Variants in PTPRD observed in about 807,000 individuals in gnomAD.
PTPRD encodes the protein protein tyrosine phosphatase receptor type D, also known as receptor-type tyrosine-protein phosphatase delta.
Under a neutral mutation model 214.5 loss-of-function variants are expected in PTPRD, and 34 were observed. The observed-to-expected ratio is 0.16, with a 90% CI of 0.12 to 0.21. PTPRD has a LOEUF of 0.21. Ranked by LOEUF, PTPRD falls within the 10% of genes least tolerant of loss-of-function variation. The pLI is 1.00. For missense variants in PTPRD, 2,545 were observed against 2,398.7 expected (o/e 1.06, Z -1.27); for synonymous variants, 1,128 against 845.7 (o/e 1.33, Z -5.79).
At chr9:8,524,750 G>A in intron 18 of PTPRD, 175 bp downstream of exon 18, 1 of 747,294 alleles carries the variant, frequency 1.3e-6, no homozygotes, top group Non-Finnish European at 2.4e-6. Context: ...TTGTCTTTTG[G>A]AGTTAAACAA....
intron 37 of PTPRD, among the ~76,000 whole-genome samples, chr9:8,380,855 A>C (rs960254100): frequency 2.0e-5 from 3 of 152,056 alleles, no homozygotes; most frequent in African/African-American, 7.2e-5. Context: ...CAACTTTATA[A>C]TCAATTAACT....
At chr9:10,464,618 A>G (rs1261330713) in intron 2 of PTPRD, among the ~76,000 whole-genome samples, 3 of 152,172 alleles carry the variant, frequency 2.0e-5, no homozygotes, top group Non-Finnish European at 4.4e-5. Flanking sequence ...AGGGAAGGAA[A>G]TAAAAATTAT....
intron 7 of PTPRD, among the ~76,000 whole-genome samples, chr9:9,608,295 A>G (rs987956289): frequency 8.5e-5 from 13 of 152,176 alleles, no homozygotes; most frequent in Non-Finnish European, 1.8e-4. Context: ...TTGATGTACT[A>G]AAGTAATATA....
At chr9:9,321,853 T>C (rs527954755) in intron 9 of PTPRD, among the ~76,000 whole-genome samples, 1 of 152,314 alleles carries the variant, frequency 6.6e-6, no homozygotes, top group South Asian at 2.1e-4. Flanking sequence ...CAGCAAGAGC[T>C]AAATATATGC....
At chr9:8,318,017 T>C (rs186523189) in intron 45 of PTPRD, 75 bp from the exon 46 acceptor site, 3 of 1,427,286 alleles carry the variant, frequency 2.1e-6, no homozygotes, top group Non-Finnish European at 3.0e-6. Flanking sequence ...TAAAAATCAA[T>C]ATTGCATAAC....
intron 3 of PTPRD, among the ~76,000 whole-genome samples, chr9:10,201,880 A>G (rs1594035832): frequency 6.6e-6 from 1 of 150,454 alleles, no homozygotes; most frequent in African/African-American, 2.5e-5. Flanking sequence ...TAAATTTGAG[A>G]GGTACAATTT....
chr9:10,589,325 C>T (rs1429035426), intron 2 of PTPRD, among the ~76,000 whole-genome samples: 2 of 152,010 alleles, frequency 1.3e-5, no homozygotes, highest in East Asian at 3.9e-4. Flanking sequence ...GAACTTGACC[C>T]AATAACAAAG....
At chr9:8,464,678 C>T (rs1177641507) in intron 32 of PTPRD, among the ~76,000 whole-genome samples, 1 of 149,312 alleles carries the variant, frequency 6.7e-6, no homozygotes, top group Non-Finnish European at 1.5e-5. Flanking sequence ...ACTGCCACTT[C>T]AAAATTCACC....
intron 11 of PTPRD, among the ~76,000 whole-genome samples, chr9:8,855,729 A>G (rs1405072716): frequency 6.6e-6 from 1 of 152,176 alleles, no homozygotes; most frequent in Non-Finnish European, 1.5e-5. Flanking sequence ...TACAACTCAC[A>G]TTGGAGTCCA....
At chr9:10,538,339 A>G (rs2058355001) in intron 2 of PTPRD, among the ~76,000 whole-genome samples, 1 of 151,962 alleles carries the variant, frequency 6.6e-6, no homozygotes, top group Non-Finnish European at 1.5e-5. Context: ...GATGATGAAG[A>G]AAAACATTTT....
chr9:10,544,366 T>C (rs751343042), intron 2 of PTPRD, among the ~76,000 whole-genome samples: 15 of 152,186 alleles, frequency 9.9e-5, no homozygotes, highest in Non-Finnish European at 2.1e-4. Flanking sequence ...ACAAAAGTGA[T>C]ACAACAGCTT....
At chr9:8,486,609 T>C in intron 27 of PTPRD, 1 of 626,484 alleles carries the variant, frequency 1.6e-6, no homozygotes, top group South Asian at 1.7e-5. Context: ...TAAGGGGATT[T>C]TTTTGACACC....
intron 8 of PTPRD, among the ~76,000 whole-genome samples, chr9:9,500,437 C>A (rs2096370970): frequency 6.6e-6 from 1 of 152,018 alleles, no homozygotes; most frequent in Non-Finnish European, 1.5e-5. Context: ...CAGGAAGGTA[C>A]AGCTAAAGAA....
At chr9:8,631,208 T>C (rs1169823997) in intron 14 of PTPRD, among the ~76,000 whole-genome samples, 1 of 151,934 alleles carries the variant, frequency 6.6e-6, no homozygotes, top group Non-Finnish European at 1.5e-5. Context: ...GTCTCTAAGA[T>C]TCCTGCCAGT....
At chr9:9,701,072 C>G (rs1725680921) in intron 7 of PTPRD, among the ~76,000 whole-genome samples, 1 of 151,880 alleles carries the variant, frequency 6.6e-6, no homozygotes, top group Non-Finnish European at 1.5e-5. Context: ...AGGTATTCCC[C>G]CTGTTGGAAT....
intron 9 of PTPRD, among the ~76,000 whole-genome samples, chr9:9,206,079 G>T (rs932638060): frequency 1.3e-5 from 2 of 152,172 alleles, no homozygotes; most frequent in South Asian, 2.1e-4. Context: ...TGGGGGAAGA[G>T]TATTCTAGAT....
chr9:8,394,062 G>A (rs755346106), intron 36 of PTPRD, among the ~76,000 whole-genome samples: 3 of 151,894 alleles, frequency 2.0e-5, no homozygotes, highest in Admixed American at 6.6e-5. Flanking sequence ...AATTAGGCAC[G>A]TTTTAGGCTC....
chr9:9,037,986 T>C (rs1377206914), intron 10 of PTPRD, among the ~76,000 whole-genome samples: 1 of 152,108 alleles, frequency 6.6e-6, no homozygotes, highest in African/African-American at 2.4e-5. Context: ...ATCTATAAAA[T>C]GAGAATAACT....
chr9:10,200,861 A>G (rs2099417092), intron 3 of PTPRD, among the ~76,000 whole-genome samples: 1 of 152,120 alleles, frequency 6.6e-6, no homozygotes, highest in African/African-American at 2.4e-5. Context: ...ATGGTTGTAA[A>G]ATACTAAGAA....
Sources: gnomAD v4.1 joint callset for allele counts (sites outside exome capture counted in the v4.1 genomes callset) on GRCh38, gnomAD v4.1.1 for gene constraint, MANE v1.5 for transcripts, NCBI Gene and HGNC (gene_info 2026-07-23, HGNC 2026-07-21) for gene names.